TAF4B: variants seen among roughly 807,000 people sequenced by gnomAD.
TAF4B encodes the protein TATA-box binding protein associated factor 4b.
In TAF4B, 38 loss-of-function variants were observed where a neutral mutation model predicts 86.4. That is an observed-to-expected ratio of 0.44 (90% CI 0.34 to 0.58). The LOEUF (loss-of-function observed/expected upper bound fraction) is 0.58. Ranked by LOEUF, TAF4B falls within the 20% of genes least tolerant of loss-of-function variation. TAF4B has a pLI of 0.02. For synonymous variants in TAF4B, 388 were observed against 391.2 expected (o/e 0.99, Z 0.10); for missense variants, 988 against 1,027.6 (o/e 0.96, Z 0.53).
chr18:26,263,697 C>T (rs905971801), intron 1 of TAF4B, among the ~76,000 whole-genome samples: 4 of 150,950 alleles, frequency 2.6e-5, no homozygotes, highest in Admixed American at 6.6e-5. Flanking sequence ...TTCTTTCTTT[C>T]GCTCTTTCTC....
Position 26,286,390 on chromosome 18 carries a change from C to T in TAF4B, c.1481C>T (p.Thr494Ile), listed in dbSNP as rs1443667818. Residue 494 changes from threonine to isoleucine, a missense_variant, in exon 7 of 15, where the codon ACA becomes ATA. Thr to Ile is a moderately conservative substitution (Grantham distance 89, BLOSUM62 -1). Coordinates refer to ENST00000269142, the MANE Select transcript of TAF4B (RefSeq NM_005640.3). The stretch of plus-strand genomic sequence containing the variant: ...CCTGTTGTTTCTTCTGCTGGGACCA[C>T]ATCTGACAAGCCTGTTATTGGGACT... ...VKPVVSSAGT[T>I]SDKPVIGTPV... 1 of 1,614,222 alleles carries T rather than the reference C, an allele frequency of 6.2e-7. No homozygotes were observed. Among genetic ancestry groups the T allele is most frequent in the South Asian group, 1.1e-5 (1 of 91,082 alleles).
intron 1 of TAF4B, among the ~76,000 whole-genome samples, chr18:26,250,394 G>A (rs1263969372): frequency 6.6e-6 from 1 of 151,970 alleles, no homozygotes; most frequent in Non-Finnish European, 1.5e-5. Flanking sequence ...CTACTCGAGA[G>A]GCTGAGGCAG....
chr18:26,282,685 G>C (rs1440802664), intron 6 of TAF4B, among the ~76,000 whole-genome samples: 1 of 152,180 alleles, frequency 6.6e-6, no homozygotes, highest in South Asian at 2.1e-4. Context: ...TGTGTCATCA[G>C]TTGATTCTTC....
At position 26,335,190 on chromosome 18, in the gene TAF4B, G is replaced by A. The variant is rs2057081057; in HGVS notation, c.2275G>A (p.Glu759Lys). ...CCTTTGATAGAGTCGTTCTAATAAA[G>A]AAGATCCAGAACAGCTGAGATTAAA... ...LKAAKSRSNKEDPEQLRLKQK... is the reference protein window; with the variant it reads ...LKAAKSRSNKKDPEQLRLKQK... Residue 759 changes from glutamate (E) to lysine (K), a missense_variant, in exon 13 of 15, where the codon GAA becomes AAA. Physicochemically the swap from Glu to Lys is moderately conservative, Grantham distance 56. This residue lies in a region of TAF4B where 216 missense variants were observed against 238.4 expected (regional missense o/e 0.91). Transcript: ENST00000269142. 4 of 1,413,650 alleles carry A rather than the reference G, an allele frequency of 2.8e-6. No individual in the cohort carries two copies. Among genetic ancestry groups the A allele is most frequent in the East Asian group, 2.5e-5 (1 of 39,314 alleles). 87.6% of individuals were successfully genotyped at this position (1,413,650 alleles called of 1,614,324 possible). A position where few individuals can be genotyped will look rare whatever the true frequency, so the allele number is the denominator to read the frequency against.
intron 5 of TAF4B, among the ~76,000 whole-genome samples, chr18:26,278,219 G>T (rs1427238420): frequency 6.6e-6 from 1 of 152,138 alleles, no homozygotes; most frequent in Non-Finnish European, 1.5e-5. Flanking sequence ...TATTAAAGAG[G>T]TATCTACTGA....
At chr18:26,365,365 A>G (rs1338976445) in intron 14 of TAF4B, among the ~76,000 whole-genome samples, 1 of 152,186 alleles carries the variant, frequency 6.6e-6, no homozygotes, top group Non-Finnish European at 1.5e-5. Context: ...TCAGTTAGCA[A>G]TACATTAGAA....
At chr18:26,291,261 G>A (rs1313929550) in intron 7 of TAF4B, among the ~76,000 whole-genome samples, 3 of 151,814 alleles carry the variant, frequency 2.0e-5, no homozygotes, top group East Asian at 2.0e-4. Flanking sequence ...TACCTGTTTT[G>A]TTTTGTCTTG....
chr18:26,271,699 GGA>G (rs1466062138), intron 3 of TAF4B, among the ~76,000 whole-genome samples: 1 of 152,028 alleles, frequency 6.6e-6, no homozygotes, highest in Non-Finnish European at 1.5e-5. Context: ...CTAGGCAGGT[GGA>G]TCACCTGAGG....
chr18:26,273,952 T>A (rs894359994), intron 3 of TAF4B, among the ~76,000 whole-genome samples: 5 of 152,198 alleles, frequency 3.3e-5, no homozygotes, highest in Non-Finnish European at 7.3e-5. Context: ...ATCCCCAAAC[T>A]TTTATTATGT....
Position 26,226,887 on chromosome 18 carries a change from C to G in TAF4B, c.-47C>G. 7.5e-7 allele frequency: 1 copy of G among 1,334,138 alleles called. No homozygotes were observed. The highest frequency in any genetic ancestry group is 9.6e-7 in the Non-Finnish European group (1 of 1,046,066). 82.6% of individuals were successfully genotyped at this position (1,334,138 alleles called of 1,614,324 possible). A position where few individuals can be genotyped will look rare whatever the true frequency, so the allele number is the denominator to read the frequency against. Reference sequence around the variant, plus strand: ...CCGCGCGCCAAGCCTCCCCTCACCTCTGCTCCCGGAACCGCAGCGCCAAAG... The same window carrying G: ...CCGCGCGCCAAGCCTCCCCTCACCTGTGCTCCCGGAACCGCAGCGCCAAAG... On this transcript the variant is annotated 5_prime_UTR_variant, in exon 1 of 15. Transcript: ENST00000269142.
At chr18:26,346,632 T>C (rs1413788326) in intron 13 of TAF4B, among the ~76,000 whole-genome samples, 1 of 149,282 alleles carries the variant, frequency 6.7e-6, no homozygotes, top group African/African-American at 2.5e-5. Context: ...GGTATTCTTA[T>C]CAGATTAACA....
At chr18:26,334,113 C>T (rs990377263) in intron 12 of TAF4B, among the ~76,000 whole-genome samples, 16 of 151,920 alleles carry the variant, frequency 1.1e-4, no homozygotes, top group Non-Finnish European at 1.8e-4. Context: ...TTTATCTTTT[C>T]GCTTGAAATG....
intron 1 of TAF4B, among the ~76,000 whole-genome samples, 167 bp from the exon 2 acceptor site, chr18:26,265,003 G>A (rs1470044392): frequency 2.0e-5 from 3 of 152,124 alleles, no homozygotes; most frequent in Admixed American, 1.3e-4. Context: ...TAAATAGCTT[G>A]GAGTAAAAAC....
intron 9 of TAF4B, among the ~76,000 whole-genome samples, chr18:26,297,045 A>G (rs1468243407): frequency 6.6e-6 from 1 of 152,044 alleles, no homozygotes; most frequent in East Asian, 1.9e-4. Flanking sequence ...ATGCTGAGGC[A>G]GGAGAATCAG....
chr18:26,289,063 A>G (rs2056560804), intron 7 of TAF4B, among the ~76,000 whole-genome samples: 1 of 152,230 alleles, frequency 6.6e-6, no homozygotes, highest in African/African-American at 2.4e-5. Flanking sequence ...AATTTATTTC[A>G]CAACAGATTT....
intron 12 of TAF4B, among the ~76,000 whole-genome samples, chr18:26,331,775 T>A (rs1791751): frequency 6.6e-6 from 1 of 151,976 alleles, no homozygotes; most frequent in Admixed American, 6.5e-5. Context: ...ACTTGGACTT[T>A]CATACTAACT....
chr18:26,354,810 T>G (rs1363224628), intron 13 of TAF4B, among the ~76,000 whole-genome samples: 5 of 152,240 alleles, frequency 3.3e-5, no homozygotes, highest in Non-Finnish European at 7.3e-5. Context: ...TGTAGCCTTA[T>G]AAGAAGTCTT....
At chr18:26,310,376 C>T (rs2056840977) in intron 9 of TAF4B, among the ~76,000 whole-genome samples, 1 of 152,038 alleles carries the variant, frequency 6.6e-6, no homozygotes, top group African/African-American at 2.4e-5. Context: ...CTAGGTGTTT[C>T]CTAAAAACAC....
chr18:26,315,169 A>ACACT (rs2056898314), intron 9 of TAF4B, 60 bp from the exon 10 acceptor site: 1 of 769,068 alleles, frequency 1.3e-6, no homozygotes, highest in Non-Finnish European at 1.8e-6. Flanking sequence ...TCTCACACAC[A>ACACT]CACACACACA....
Sources: gnomAD v4.1 joint callset for allele counts (sites outside exome capture counted in the v4.1 genomes callset) on GRCh38, gnomAD v4.1.1 for gene constraint, gnomAD v4.1.1 regional missense constraint, MANE v1.5 for transcripts, NCBI Gene and HGNC (gene_info 2026-07-23, HGNC 2026-07-21) for gene names.